Variants in PLB1 observed in about 807,000 individuals in gnomAD.
PLB1 encodes the protein phospholipase B1, membrane-associated.
PLB1 carries 242 observed loss-of-function variants against 227.4 expected under a neutral mutation model. The ratio of observed to expected loss-of-function variants is 1.06; its 90% CI spans 0.96 to 1.18. The LOEUF is 1.18. PLB1 is among the 50% of genes most tolerant of loss of function. PLB1 has a pLI of 0.00. For missense variants in PLB1, 1,858 were observed against 1,816.3 expected (o/e 1.02, Z -0.42); for synonymous variants, 757 against 682.2 (o/e 1.11, Z -1.71).
intron 12 of PLB1, 150 bp downstream of exon 12, chr2:28,540,591 A>C: frequency 1.5e-6 from 1 of 665,262 alleles, no homozygotes; most frequent in Non-Finnish European, 2.7e-6. Context: ...AAAGAGAGCT[A>C]CTCTTGCTTC....
At chr2:28,537,658 CAAA>C (rs771254945) in intron 9 of PLB1, among the ~76,000 whole-genome samples, 4 of 56,226 alleles carry the variant, frequency 7.1e-5, no homozygotes, top group African/African-American at 1.3e-4. Flanking sequence ...GACTCCATCT[CAAA>C]AAAAAAAAAA....
chr2:28,503,152 A>T (rs184707627), intron 1 of PLB1, among the ~76,000 whole-genome samples: 6 of 151,674 alleles, frequency 4.0e-5, no homozygotes, highest in Non-Finnish European at 7.4e-5. Context: ...CCAATTTTTT[A>T]TTTTTATTTT....
chr2:28,533,259 C>G (rs565426960), intron 9 of PLB1, among the ~76,000 whole-genome samples: 1 of 152,286 alleles, frequency 6.6e-6, no homozygotes, highest in African/African-American at 2.4e-5. Flanking sequence ...GGAAATCCAC[C>G]TTCCTGACTA....
intron 2 of PLB1, among the ~76,000 whole-genome samples, chr2:28,517,270 GT>G (rs940383900): frequency 3.3e-5 from 5 of 150,036 alleles, no homozygotes; most frequent in African/African-American, 1.2e-4. Context: ...GAGAAACTGT[GT>G]TTTCTTGTGA....
At chr2:28,576,264 T>C (rs1226489529) in intron 21 of PLB1, among the ~76,000 whole-genome samples, 1 of 152,174 alleles carries the variant, frequency 6.6e-6, no homozygotes, top group Non-Finnish European at 1.5e-5. Context: ...CTTGACCACA[T>C]AGTCCAGCCT....
intron 20 of PLB1, among the ~76,000 whole-genome samples, chr2:28,567,877 T>C (rs1382232179): frequency 1.3e-5 from 2 of 152,208 alleles, no homozygotes; most frequent in East Asian, 3.8e-4. Flanking sequence ...ATATTTAAAT[T>C]GAATTCTTCC....
intron 13 of PLB1, among the ~76,000 whole-genome samples, chr2:28,542,938 C>T (rs2148210948): frequency 6.6e-6 from 1 of 152,326 alleles, no homozygotes; most frequent in South Asian, 2.1e-4. Flanking sequence ...TCCCTGCCAC[C>T]CCCTCCTTCC....
At chr2:28,641,806 A>G (rs1690005565) in intron 57 of PLB1, among the ~76,000 whole-genome samples, 1 of 151,856 alleles carries the variant, frequency 6.6e-6, no homozygotes, top group Non-Finnish European at 1.5e-5. Context: ...CCTCTTCTCC[A>G]TCCACCCTAC....
intron 1 of PLB1, among the ~76,000 whole-genome samples, chr2:28,511,885 A>C (rs1043185101): frequency 1.3e-5 from 2 of 150,232 alleles, no homozygotes; most frequent in Non-Finnish European, 2.9e-5. Context: ...CCTGGGTTCA[A>C]GTAATTCTCC....
chr2:28,606,027 G>C, intron 42 of PLB1, 79 bp downstream of exon 42: 1 of 1,152,138 alleles, frequency 8.7e-7, no homozygotes, highest in Admixed American at 2.0e-5. Context: ...ATGGAGTCTT[G>C]CAAGTGAGGC....
chr2:28,629,107 T>C lies in PLB1; in HGVS notation c.3740T>C (p.Phe1247Ser), dbSNP rs748121859. Residue 1247 changes from phenylalanine (F) to serine (S), a missense_variant, in exon 53 of 58, where the codon TTC (phenylalanine) becomes TCC (serine). Physicochemically the swap from Phe to Ser is radical, Grantham distance 155. Transcript: ENST00000327757. Reference protein sequence around the residue: ...DILSEELPRAFVNVVEVMELA... With the variant: ...DILSEELPRASVNVVEVMELA... ...CACTCCCTGCAGCTCCCAAGGGCTTTCGTCAACGTGGTGGAGGTCATGGAG... is the reference window on the plus strand; with the variant it reads ...CACTCCCTGCAGCTCCCAAGGGCTTCCGTCAACGTGGTGGAGGTCATGGAG... The C allele has an allele frequency of 8.7e-6, 14 of 1,613,762 alleles. No homozygotes were observed. Among genetic ancestry groups the C allele is most frequent in the Non-Finnish European group, 1.2e-5 (14 of 1,179,822 alleles).
At chr2:28,585,524 A>T (rs745661916) in intron 25 of PLB1, 61 of 436,974 alleles carry the variant, frequency 1.4e-4, no homozygotes, top group Non-Finnish European at 2.2e-4. Flanking sequence ...TGATCCACCC[A>T]CCTCGGCCCA....
At position 28,548,913 on chromosome 2, in the gene PLB1, A is replaced by G. The variant is rs1223576597; in HGVS notation, c.990A>G (p.Pro330=). Residue 330 remains proline (P), a synonymous_variant, in exon 15 of 58, where the codon CCA becomes CCG. Transcript: ENST00000327757. ...DEPLSVKHGR[P]MKCPSQESPY... is the part of the protein sequence containing the mutation. Reference sequence around the variant, plus strand: ...CATTGAGTGTAAAACACGGGAGGCCAATGAAGTGTCCCTCTCAGGTAGGAG... The same window carrying G: ...CATTGAGTGTAAAACACGGGAGGCCGATGAAGTGTCCCTCTCAGGTAGGAG... The G allele has an allele frequency of 1.9e-6, 3 of 1,614,028 alleles. No individual in the cohort carries two copies. The highest frequency in any genetic ancestry group is 3.3e-5 in the Admixed American group (2 of 60,010).
chr2:28,636,882 T>C (rs56312719), intron 56 of PLB1, among the ~76,000 whole-genome samples: 36,404 of 152,102 alleles, frequency 0.24, 4,643 homozygotes, highest in East Asian at 0.33. Flanking sequence ...AAAGGGGCTT[T>C]TGAGGACTAT....
intron 1 of PLB1, among the ~76,000 whole-genome samples, chr2:28,510,823 T>G (rs1668165787): frequency 6.9e-6 from 1 of 144,178 alleles, no homozygotes; most frequent in African/African-American, 2.7e-5. Context: ...AGACAGGGTT[T>G]CACCATGTTG....
intron 1 of PLB1, among the ~76,000 whole-genome samples, chr2:28,508,059 A>G (rs1409180786): frequency 6.6e-6 from 1 of 152,220 alleles, no homozygotes; most frequent in Non-Finnish European, 1.5e-5. Flanking sequence ...AGACAGGGCA[A>G]AACAATAGAT....
At chr2:28,539,237 T>G in intron 11 of PLB1, 59 bp downstream of exon 11, 1 of 1,454,072 alleles carries the variant, frequency 6.9e-7, no homozygotes, top group Non-Finnish European at 9.7e-7. Context: ...GTGTGCGGCC[T>G]GTGGGGGCCC....
At chr2:28,603,652 T>C (rs1362350219) in intron 39 of PLB1, among the ~76,000 whole-genome samples, 2 of 152,222 alleles carry the variant, frequency 1.3e-5, no homozygotes, top group Non-Finnish European at 2.9e-5. Flanking sequence ...AAACACTAAA[T>C]TTTCACTGCC....
At chr2:28,622,845 C>T (rs1017787894) in intron 49 of PLB1, among the ~76,000 whole-genome samples, 2 of 152,190 alleles carry the variant, frequency 1.3e-5, no homozygotes, top group Non-Finnish European at 2.9e-5. Context: ...AAGATCGTGC[C>T]ATTGCACTCC....
Sources: gnomAD v4.1 joint callset for allele counts (sites outside exome capture counted in the v4.1 genomes callset) on GRCh38, gnomAD v4.1.1 for gene constraint, MANE v1.5 for transcripts, NCBI Gene and HGNC (gene_info 2026-07-23, HGNC 2026-07-21) for gene names.